The following GABRB3 variants were observed in gnomAD, a reference collection of about 807,000 sequenced individuals.
GABRB3 encodes gamma-aminobutyric acid type A receptor subunit beta3.
Under a neutral mutation model 52.1 loss-of-function variants are expected in GABRB3, and 14 were observed. That is an observed-to-expected ratio of 0.27 (90% CI 0.18 to 0.42). GABRB3 has a LOEUF of 0.42. Ranked by LOEUF, GABRB3 falls within the 10% of genes least tolerant of loss-of-function variation. The pLI, the probability that GABRB3 is intolerant of heterozygous loss-of-function variation, is 1.00. For synonymous variants in GABRB3, 260 were observed against 232.3 expected (o/e 1.12, Z -1.08); for missense variants, 307 against 609.1 (o/e 0.50, Z 5.22).
intron 3 of GABRB3, among the ~76,000 whole-genome samples, chr15:26,672,347 C>G (rs942823718): frequency 6.6e-6 from 1 of 152,116 alleles, no homozygotes; most frequent in Admixed American, 6.5e-5. Flanking sequence ...GAAGTCAGCG[C>G]CACACCCAGA....
intron 3 of GABRB3, among the ~76,000 whole-genome samples, chr15:26,633,249 TTATAAA>T (rs1341982252): frequency 2.6e-5 from 4 of 152,182 alleles, no homozygotes; most frequent in African/African-American, 9.7e-5. Flanking sequence ...TACTTTGAAA[TTATAAA>T]TTAAAATTAA....
intron 3 of GABRB3, among the ~76,000 whole-genome samples, chr15:26,675,106 A>C (rs941924640): frequency 1.3e-5 from 2 of 152,162 alleles, no homozygotes; most frequent in Non-Finnish European, 2.9e-5. Context: ...TCTCTTAATG[A>C]GGAACTGAAT....
At chr15:26,585,012 C>T (rs1890929246) in intron 4 of GABRB3, among the ~76,000 whole-genome samples, 1 of 152,148 alleles carries the variant, frequency 6.6e-6, no homozygotes. Flanking sequence ...GCTTGTGATG[C>T]TGTTTTCAAA....
At chr15:26,579,314 T>C (rs1029872786) in intron 6 of GABRB3, among the ~76,000 whole-genome samples, 4 of 152,118 alleles carry the variant, frequency 2.6e-5, no homozygotes, top group Non-Finnish European at 4.4e-5. Context: ...TACTGCCCTG[T>C]GGAGATGCAC....
At chr15:26,699,105 G>T (rs774517796) in intron 3 of GABRB3, among the ~76,000 whole-genome samples, 2 of 151,548 alleles carry the variant, frequency 1.3e-5, no homozygotes, top group Non-Finnish European at 2.9e-5. Flanking sequence ...TTGAGAAGCA[G>T]GAATATAAAT....
At chr15:26,617,066 A>G (rs1475127758) in intron 4 of GABRB3, among the ~76,000 whole-genome samples, 1 of 152,204 alleles carries the variant, frequency 6.6e-6, no homozygotes, top group Non-Finnish European at 1.5e-5. Flanking sequence ...CAATAACAGG[A>G]GCTGAAATTG....
At chr15:26,637,177 C>T (rs1266153952) in intron 3 of GABRB3, among the ~76,000 whole-genome samples, 2 of 152,162 alleles carry the variant, frequency 1.3e-5, no homozygotes, top group African/African-American at 4.8e-5. Flanking sequence ...CAACAACACC[C>T]TCTATGTTGC....
intron 3 of GABRB3, among the ~76,000 whole-genome samples, chr15:26,740,864 G>A (rs1336932949): frequency 3.3e-5 from 5 of 152,120 alleles, no homozygotes; most frequent in African/African-American, 1.2e-4. Context: ...TGCACAATGT[G>A]CCATAAGACA....
chr15:26,553,583 G>A (rs981341783), intron 8 of GABRB3: 6 of 152,108 alleles, frequency 3.9e-5, no homozygotes, highest in African/African-American at 1.4e-4. Flanking sequence ...TACAGACAAT[G>A]CAATGTTTTA....
rs1595363826 is a variant in GABRB3, at chr15:26,772,672, C to T, written c.172+9G>A. ...CGCTTCCCGCAACGGCCGCGCGCAG[C>T]CCACTTACCCCCGAAGTCGGGTCTT... On this transcript the variant is annotated intron_variant, in intron 2 of 8. Transcript: ENST00000311550. 1 of 1,564,470 alleles carries T rather than the reference C, an allele frequency of 6.4e-7. No homozygotes were observed. The highest frequency in any genetic ancestry group is 1.8e-5 in the Admixed American group (1 of 55,438).
Position 26,545,334 on chromosome 15 carries a change from AT to A in GABRB3, c.*2458del, listed in dbSNP as rs1889193989. 6.6e-6 allele frequency: 1 copy of A among 152,568 alleles called. No individual in the cohort carries two copies. The allele number at this position is 152,568 out of a possible 1,614,324, so 9.5% of individuals were successfully genotyped here. On this transcript the variant is annotated 3_prime_UTR_variant, in exon 9 of 9. Transcript: ENST00000311550. Reference sequence around the variant, plus strand: ...GCATATAAAAAGCTCAAAAGCTATTATGACTATACCATGCAAATTTATATCC... The same window carrying A: ...GCATATAAAAAGCTCAAAAGCTATTAGACTATACCATGCAAATTTATATCC...
intron 3 of GABRB3, among the ~76,000 whole-genome samples, chr15:26,663,144 C>T (rs1369539938): frequency 6.6e-6 from 1 of 152,114 alleles, no homozygotes; most frequent in Non-Finnish European, 1.5e-5. Context: ...AGATACAGAA[C>T]CAATCAGAAC....
intron 8 of GABRB3, among the ~76,000 whole-genome samples, chr15:26,554,144 G>GTATATATATATAAAATA (rs1889626338): frequency 3.1e-5 from 1 of 32,298 alleles, no homozygotes; most frequent in African/African-American, 1.2e-4. Flanking sequence ...TATATATAAA[G>GTATATATATATAAAATA]TATATATATA....
chr15:26,772,567 G>A (rs1464673009), intron 2 of GABRB3, 98 bp from the exon 3 acceptor site: 10 of 1,451,626 alleles, frequency 6.9e-6, no homozygotes, highest in African/African-American at 4.3e-5. Context: ...CGCGGGCGAA[G>A]GGCCCCCACT....
In GABRB3 at chr15:26,565,051, T is replaced by C. The variant is rs531874616; in HGVS notation, c.835+2530A>G. 1.5e-3 allele frequency among the ~76,000 whole-genome samples: 232 copies of C among 152,296 alleles called. 2 individuals carry two copies. The highest frequency in any genetic ancestry group is 5.3e-3 in the African/African-American group (221 of 41,560). On this transcript the variant is annotated intron_variant, in intron 7 of 8. Coordinates refer to ENST00000311550, the MANE Select transcript of GABRB3 (RefSeq NM_000814.6). ...CTCTGTAAAACTGGAGCAATAATACTTCGTACTGTGCTGTGAGTCTTCTCC... is the reference window on the plus strand; with the variant it reads ...CTCTGTAAAACTGGAGCAATAATACCTCGTACTGTGCTGTGAGTCTTCTCC...
chr15:26,730,465 C>G (rs149744921), intron 3 of GABRB3, among the ~76,000 whole-genome samples: 118 of 152,014 alleles, frequency 7.8e-4, no homozygotes, highest in African/African-American at 2.5e-3. Flanking sequence ...ACAACAGTTT[C>G]CCGGTGCACA....
rs371158411 is a variant in GABRB3 at position 26,756,500 on chromosome 15, C to T, written c.240+15902G>A. On this transcript the variant is annotated intron_variant, in intron 3 of 8. Coordinates refer to ENST00000311550, the MANE Select transcript of GABRB3 (RefSeq NM_000814.6). The stretch of plus-strand genomic sequence containing the variant: ...GCCTGAGGTGGGAGGGTCACTTGAG[C>T]GCAGGAGGCAGAGGTTGCAGTGAGC... Among the ~76,000 whole-genome samples, 36 of 151,896 alleles carry T rather than the reference C, an allele frequency of 2.4e-4. No homozygotes were observed. In the East Asian group the frequency reaches 6.2e-3, roughly 26 times the overall value.
chr15:26,675,781 T>A (rs892731730), intron 3 of GABRB3, among the ~76,000 whole-genome samples: 4 of 152,156 alleles, frequency 2.6e-5, no homozygotes, highest in African/African-American at 9.7e-5. Flanking sequence ...GACCTAACTT[T>A]GTTTTTGCTA....
rs771203717 is a variant in GABRB3, at chr15:26,742,947, T to TTTTTTTTTG, written c.240+29454_240+29455insCAAAAAAAA. Among the ~76,000 whole-genome samples, 20 of 104,200 alleles carry TTTTTTTTTG rather than the reference T, an allele frequency of 1.9e-4. 1 individual carries two copies. In the South Asian group the frequency reaches 3.3e-3, roughly 17 times the overall value. The allele number at this position is 104,200 out of a possible 152,430, so 68.4% of individuals were successfully genotyped here. Reference sequence around the variant, plus strand: ...TTCTTTTTTTTTTTTTTTTTTTTTTTGAGACAGAGTCTCGCTATGGCGCCC... The same window carrying TTTTTTTTTG: ...TTCTTTTTTTTTTTTTTTTTTTTTTTTTTTTTTTGGAGACAGAGTCTCGCTATGGCGCCC... On this transcript the variant is annotated intron_variant, in intron 3 of 8. Transcript: ENST00000311550.
Sources: gnomAD v4.1 joint callset for allele counts (sites outside exome capture counted in the v4.1 genomes callset) on GRCh38, gnomAD v4.1.1 for gene constraint, MANE v1.5 for transcripts, NCBI Gene and HGNC (gene_info 2026-07-23, HGNC 2026-07-21) for gene names.